Variants in RIMS1 observed in about 807,000 individuals in gnomAD.
RIMS1 encodes regulating synaptic membrane exocytosis 1.
RIMS1 carries 83 observed loss-of-function variants against 214.1 expected under a neutral mutation model. The ratio of observed to expected loss-of-function variants is 0.39; its 90% CI spans 0.32 to 0.47. The LOEUF is 0.47. RIMS1 is among the 20% of genes least tolerant of loss of function. The pLI, the probability that RIMS1 is intolerant of heterozygous loss-of-function variation, is 0.99. For synonymous variants in RIMS1, 793 were observed against 786.8 expected (o/e 1.01, Z -0.13); for missense variants, 2,050 against 2,161.8 (o/e 0.95, Z 1.03).
At chr6:72,147,827 G>C in intron 4 of RIMS1, among the ~76,000 whole-genome samples, 1 of 152,082 alleles carries the variant, frequency 6.6e-6, no homozygotes, top group East Asian at 1.9e-4. Flanking sequence ...TCTGGGTTTT[G>C]AACTCATAGA....
chr6:72,035,420 T>C (rs1819357025), intron 2 of RIMS1, among the ~76,000 whole-genome samples: 1 of 152,166 alleles, frequency 6.6e-6, no homozygotes, highest in African/African-American at 2.4e-5. Context: ...CATTCAATGC[T>C]TTGTAGGGTT....
At position 71,902,553 on chromosome 6, in the gene RIMS1, G is replaced by C. The variant is rs538337130; in HGVS notation, c.164+15366G>C. Among the ~76,000 whole-genome samples, 36 of 152,088 alleles carry C rather than the reference G, an allele frequency of 2.4e-4. 1 individual carries two copies. The South Asian group carries it at 7.3e-3, about 31-fold the overall frequency. ...TTTTTTTCTTCAACAGTTATTTTAA[G>C]TTCTGGAGTACATGTGCAGGATGTG... On this transcript the variant is annotated intron_variant, in intron 1 of 33. Coordinates refer to ENST00000521978, the MANE Select transcript of RIMS1 (RefSeq NM_014989.7).
At chr6:72,291,895 A>G in intron 25 of RIMS1, 39 bp from the exon 26 acceptor site, 1 of 1,455,324 alleles carries the variant, frequency 6.9e-7, no homozygotes, top group South Asian at 1.2e-5. Flanking sequence ...CCACATTGGA[A>G]TTTCATTGTT....
intron 2 of RIMS1, among the ~76,000 whole-genome samples, chr6:72,072,743 C>G (rs1198234507): frequency 6.6e-6 from 1 of 152,152 alleles, no homozygotes; most frequent in African/African-American, 2.4e-5. Flanking sequence ...AGTGTCAACA[C>G]CACCCTTCTA....
At chr6:72,117,586 A>G (rs2037340970) in intron 4 of RIMS1, among the ~76,000 whole-genome samples, 1 of 151,992 alleles carries the variant, frequency 6.6e-6, no homozygotes, top group Admixed American at 6.6e-5. Context: ...TTCTCAGACC[A>G]CAGTGGAATA....
intron 1 of RIMS1, among the ~76,000 whole-genome samples, chr6:71,962,108 T>G (rs1793128590): frequency 6.6e-6 from 1 of 152,134 alleles, no homozygotes; most frequent in African/African-American, 2.4e-5. Flanking sequence ...GAATCAAGCC[T>G]GTTTTTATTC....
intron 1 of RIMS1, among the ~76,000 whole-genome samples, chr6:71,954,864 A>ACTC (rs1002803305): frequency 1.1e-4 from 15 of 137,164 alleles, no homozygotes; most frequent in South Asian, 4.7e-4. Context: ...ACACACACAC[A>ACTC]CACACTCCAC....
At chr6:72,341,996 G>C (rs571331481) in intron 29 of RIMS1, among the ~76,000 whole-genome samples, 1 of 151,906 alleles carries the variant, frequency 6.6e-6, no homozygotes, top group African/African-American at 2.4e-5. Flanking sequence ...TGCTATGAAT[G>C]TGTTAAAAAT....
In RIMS1 at chr6:72,008,083, G is replaced by C. The variant is rs571595859; in HGVS notation, c.245+39020G>C. 3.4e-4 allele frequency among the ~76,000 whole-genome samples: 52 copies of C among 152,270 alleles called. No homozygotes were observed. In the South Asian group the frequency reaches 8.3e-3, roughly 24 times the overall value. ...AAGGGTTGCCAGAGAGAAAGGTCGG[G>C]TTACCCACAAAGGGAAGCCCATCAG... On this transcript the variant is annotated intron_variant, in intron 2 of 33. Transcript: ENST00000521978.
At chr6:72,276,531 C>A (rs369704138) in intron 23 of RIMS1, among the ~76,000 whole-genome samples, 5 of 151,906 alleles carry the variant, frequency 3.3e-5, no homozygotes, top group Non-Finnish European at 5.9e-5. Flanking sequence ...CAGAAATGAT[C>A]CTTTTAGATA....
At chr6:72,056,090 A>AC (rs1585855632) in intron 2 of RIMS1, among the ~76,000 whole-genome samples, 1 of 151,908 alleles carries the variant, frequency 6.6e-6, no homozygotes, top group Non-Finnish European at 1.5e-5. Context: ...CCATAAAAAA[A>AC]AAGAGATCAT....
At chr6:72,400,177 C>T (rs2098824799) in intron 33 of RIMS1, among the ~76,000 whole-genome samples, 1 of 152,084 alleles carries the variant, frequency 6.6e-6, no homozygotes, top group Non-Finnish European at 1.5e-5. Context: ...ATAGTAGTTA[C>T]ACAAGAAAGG....
At chr6:72,193,885 G>A (rs528009869) in intron 6 of RIMS1, among the ~76,000 whole-genome samples, 1 of 152,208 alleles carries the variant, frequency 6.6e-6, no homozygotes, top group East Asian at 1.9e-4. Flanking sequence ...AGTTTTGTAT[G>A]TTATGAGCCC....
rs549450855 is a variant in RIMS1, at chr6:72,229,149, C to A, written c.1679-4624C>A. ...CCAGTGGTCTGAAGAGGCCTCTAGC[C>A]CTGCTTTGGGCCTTGAGCTCAAGGG... On this transcript the variant is annotated intron_variant, in intron 6 of 33. Transcript: ENST00000521978. Among the ~76,000 whole-genome samples the A allele has an allele frequency of 2.0e-5, 3 of 151,770 alleles. No individual in the cohort carries two copies. The South Asian group carries it at 6.2e-4, about 32-fold the overall frequency.
intron 22 of RIMS1, among the ~76,000 whole-genome samples, chr6:72,273,348 T>TA (rs1309815176): frequency 2.0e-5 from 3 of 152,274 alleles, no homozygotes; most frequent in East Asian, 3.9e-4. Context: ...CCTTTAAGAC[T>TA]ATCCAGTTAT....
At chr6:72,247,220 A>G (rs2070407880) in intron 11 of RIMS1, among the ~76,000 whole-genome samples, 1 of 152,120 alleles carries the variant, frequency 6.6e-6, no homozygotes, top group African/African-American at 2.4e-5. Flanking sequence ...GAAACAAATC[A>G]CTAGTGGTGA....
chr6:72,089,341 T>C (rs1835541672), intron 2 of RIMS1, among the ~76,000 whole-genome samples: 1 of 152,186 alleles, frequency 6.6e-6, no homozygotes, highest in Non-Finnish European at 1.5e-5. Flanking sequence ...TGGTGGCTTC[T>C]AGATCAGAAT....
chr6:72,162,462 G>A (rs2045583210), intron 4 of RIMS1, among the ~76,000 whole-genome samples: 1 of 140,732 alleles, frequency 7.1e-6, no homozygotes, highest in African/African-American at 2.5e-5. Context: ...CTTGTTAGTT[G>A]ATGCAGTTTC....
At chr6:72,254,115 C>T (rs1477612766) in intron 16 of RIMS1, among the ~76,000 whole-genome samples, 11 of 152,218 alleles carry the variant, frequency 7.2e-5, no homozygotes, top group Admixed American at 5.2e-4. Flanking sequence ...CCGCCCACCT[C>T]GGCCTCCCAA....
Sources: gnomAD v4.1 joint callset for allele counts (sites outside exome capture counted in the v4.1 genomes callset) on GRCh38, gnomAD v4.1.1 for gene constraint, MANE v1.5 for transcripts, NCBI Gene and HGNC (gene_info 2026-07-23, HGNC 2026-07-21) for gene names.